The following ZC3H14 variants were observed in gnomAD, a reference collection of about 807,000 sequenced individuals.
The protein encoded by ZC3H14 is zinc finger CCCH-type containing 14.
Under a neutral mutation model 92.4 loss-of-function variants are expected in ZC3H14, and 31 were observed. The ratio of observed to expected loss-of-function variants is 0.34; its 90% confidence interval spans 0.25 to 0.45. The LOEUF is 0.45. ZC3H14 is among the 20% of genes least tolerant of loss of function. The pLI is 1.00. For missense variants in ZC3H14, 781 were observed against 897.3 expected (o/e 0.87, Z 1.66); for synonymous variants, 321 against 300.9 (o/e 1.07, Z -0.69).
rs201459924 is a variant in ZC3H14 at position 88,575,837 on chromosome 14, T to C, written c.1023-3T>C. ...ATAAAAATACCTTTCTTAACTCTTT[T>C]AGACCTTCTCTTCCACCTTCTAAAC... On this transcript the variant is annotated splice_region_variant and splice_polypyrimidine_tract_variant and intron_variant, in intron 7 of 16. Transcript: ENST00000251038. 9.9e-6 allele frequency: 16 copies of C among 1,611,224 alleles called. No individual in the cohort carries two copies. Among genetic ancestry groups the C allele is most frequent in the African/African-American group, 1.3e-5 (1 of 74,862 alleles).
chr14:88,618,091 A>C lies in ZC3H14; in HGVS notation c.*6340A>C. 6.8e-6 allele frequency: 4 copies of C among 591,398 alleles called. No homozygotes were observed. Among genetic ancestry groups the C allele is most frequent in the Non-Finnish European group, 1.2e-5 (4 of 342,594 alleles). 36.6% of individuals were successfully genotyped at this position (591,398 alleles called of 1,614,324 possible). A position where few individuals can be genotyped will look rare whatever the true frequency, so the allele number is the denominator to read the frequency against. On this transcript the variant is annotated 3_prime_UTR_variant, in exon 17 of 17. Transcript: ENST00000251038. ...TAAAAAGGGGTCCCAACATGAACATACCATTTCAAAATATGGTAACAAAAA... is the reference window on the plus strand; with the variant it reads ...TAAAAAGGGGTCCCAACATGAACATCCCATTTCAAAATATGGTAACAAAAA...
chr14:88,571,238 A>C, intron 4 of ZC3H14, 114 bp downstream of exon 4: 1 of 898,578 alleles, frequency 1.1e-6, no homozygotes, highest in Non-Finnish European at 1.7e-6. Context: ...GGTTCATTTG[A>C]ACTTTTTTAG....
rs1031028615 is a variant in ZC3H14, at chr14:88,623,612, C to A, written c.*11861C>A. 1 of 151,992 alleles carries A rather than the reference C, an allele frequency of 6.6e-6. No individual in the cohort carries two copies. Among genetic ancestry groups the A allele is most frequent in the African/African-American group, 2.4e-5 (1 of 41,342 alleles). The allele number at this position is 151,992 out of a possible 1,614,324, so 9.4% of individuals were successfully genotyped here. On this transcript the variant is annotated 3_prime_UTR_variant, in exon 17 of 17. Transcript: ENST00000251038. ...TATTTTTAGTAGAGATGGAGTTTCACCATATTGGCCAGGCTGATCCCAAAC... is the reference window on the plus strand; with the variant it reads ...TATTTTTAGTAGAGATGGAGTTTCAACATATTGGCCAGGCTGATCCCAAAC...
rs2087408838 is a variant in ZC3H14, at chr14:88,615,224, GAA to G, written c.*3476_*3477del. The stretch of plus-strand genomic sequence containing the variant: ...GTTCCTGAATTCAAAACTACTAGGA[GAA>G]AAGTGTCCTTTATAAAAAAGGACCT... On this transcript the variant is annotated 3_prime_UTR_variant, in exon 17 of 17. Coordinates refer to ENST00000251038, the MANE Select transcript of ZC3H14 (RefSeq NM_024824.5). 6.6e-6 allele frequency: 1 copy of G among 152,132 alleles called. No individual in the cohort carries two copies. The highest frequency in any genetic ancestry group is 2.4e-5 in the African/African-American group (1 of 41,428). 9.4% of individuals were successfully genotyped at this position (152,132 alleles called of 1,614,324 possible). A position where few individuals can be genotyped will look rare whatever the true frequency, so the allele number is the denominator to read the frequency against.
rs1019290686 is a variant in ZC3H14 at position 88,618,142 on chromosome 14, T to C, written c.*6391T>C. The C allele has an allele frequency of 3.7e-6, 4 of 1,092,862 alleles. No homozygotes were observed. Among genetic ancestry groups the C allele is most frequent in the East Asian group, 2.5e-5 (1 of 40,734 alleles). The allele number at this position is 1,092,862 out of a possible 1,614,324, so 67.7% of individuals were successfully genotyped here. Reference sequence around the variant, plus strand: ...CTTGAAACTCAATTACTATTCCTTATTGGAATGGCTCTAACAGTTCAGAAA... The same window carrying C: ...CTTGAAACTCAATTACTATTCCTTACTGGAATGGCTCTAACAGTTCAGAAA... On this transcript the variant is annotated 3_prime_UTR_variant, in exon 17 of 17. Coordinates refer to ENST00000251038, the MANE Select transcript of ZC3H14 (RefSeq NM_024824.5).
chr14:88,616,486 C>G lies in ZC3H14; in HGVS notation c.*4735C>G. Reference sequence around the variant, plus strand: ...AGGAAAAGCATTTGAAATTTGATAACTGATTATAGGTTTGGTGAAAAGCTA... The same window carrying G: ...AGGAAAAGCATTTGAAATTTGATAAGTGATTATAGGTTTGGTGAAAAGCTA... On this transcript the variant is annotated 3_prime_UTR_variant, in exon 17 of 17. Coordinates refer to ENST00000251038, the MANE Select transcript of ZC3H14 (RefSeq NM_024824.5). 1 of 604,298 alleles carries G rather than the reference C, an allele frequency of 1.7e-6. No individual in the cohort carries two copies. Among genetic ancestry groups the G allele is most frequent in the Non-Finnish European group, 2.9e-6 (1 of 350,070 alleles). 37.4% of individuals were successfully genotyped at this position (604,298 alleles called of 1,614,324 possible).
In ZC3H14 at chr14:88,607,096, T is replaced by C; in HGVS notation, c.1748-147T>C. On this transcript the variant is annotated intron_variant, in intron 12 of 16. Transcript: ENST00000251038. ...TTTTATAGGATTCTATGGCCAGTGTTAATCCCATAATTTGAGCTCACTTAT... is the reference window on the plus strand; with the variant it reads ...TTTTATAGGATTCTATGGCCAGTGTCAATCCCATAATTTGAGCTCACTTAT... 8.0e-6 allele frequency: 10 copies of C among 1,243,530 alleles called. No homozygotes were observed. The South Asian group carries it at 1.3e-4, about 16-fold the overall frequency. The allele number at this position is 1,243,530 out of a possible 1,614,324, so 77.0% of individuals were successfully genotyped here.
chr14:88,569,160 C>G (rs2139530144), intron 3 of ZC3H14, among the ~76,000 whole-genome samples: 1 of 152,282 alleles, frequency 6.6e-6, no homozygotes, highest in Non-Finnish European at 1.5e-5. Context: ...AGCCACTGCA[C>G]CTGGCCAGCT....
At chr14:88,600,657 G>A (rs1224955238) in intron 10 of ZC3H14, among the ~76,000 whole-genome samples, 2 of 151,950 alleles carry the variant, frequency 1.3e-5, no homozygotes, top group Admixed American at 6.6e-5. Flanking sequence ...TCACTATGTT[G>A]CCTAGGCCGG....
At chr14:88,584,550 A>G (rs1431586292) in intron 9 of ZC3H14, among the ~76,000 whole-genome samples, 1 of 152,204 alleles carries the variant, frequency 6.6e-6, no homozygotes, top group Non-Finnish European at 1.5e-5. Context: ...GCTACATAAG[A>G]TTTACTATAG....
intron 2 of ZC3H14, among the ~76,000 whole-genome samples, chr14:88,564,304 G>C (rs921769677): frequency 6.6e-6 from 1 of 152,076 alleles, no homozygotes; most frequent in Non-Finnish European, 1.5e-5. Flanking sequence ...TTTATAATTT[G>C]AGTGTTTACT....
chr14:88,584,998 C>T (rs960868216), intron 9 of ZC3H14, among the ~76,000 whole-genome samples: 2 of 152,092 alleles, frequency 1.3e-5, no homozygotes, highest in African/African-American at 2.4e-5. Context: ...ACTGCAGCTA[C>T]GTTGGCAACA....
At chr14:88,596,062 A>G (rs1440449433) in intron 9 of ZC3H14, among the ~76,000 whole-genome samples, 1 of 152,232 alleles carries the variant, frequency 6.6e-6, no homozygotes, top group African/African-American at 2.4e-5. Flanking sequence ...ACTGCTGGGC[A>G]TATTATTGTT....
intron 2 of ZC3H14, among the ~76,000 whole-genome samples, chr14:88,565,663 G>A (rs2079474725): frequency 6.6e-6 from 1 of 152,002 alleles, no homozygotes; most frequent in South Asian, 2.1e-4. Flanking sequence ...GACATTCCAC[G>A]TTGCTTTAAC....
rs2079152636 is a variant in ZC3H14, at chr14:88,563,527, C to T, written c.37-124C>T. The T allele has an allele frequency of 3.8e-6, 6 of 1,577,394 alleles. No homozygotes were observed. In the South Asian group the frequency reaches 4.5e-5, roughly 12 times the overall value. On this transcript the variant is annotated intron_variant, in intron 1 of 16. Transcript: ENST00000251038. ...GGGGGGCGGTGCAGGCGAGGCTCCT[C>T]CCAGCCCCCGCCCGGGGGATCCGAG...
chr14:88,594,346 A>G, intron 9 of ZC3H14: 18 of 996,860 alleles, frequency 1.8e-5, no homozygotes, highest in Non-Finnish European at 2.2e-5. Flanking sequence ...TTTGTGTGAC[A>G]CATGTCTGTT....
In ZC3H14 at chr14:88,572,212, A is replaced by G; in HGVS notation, c.418A>G (p.Thr140Ala). ...RVSTSSQESKTTNVRQTYDDG... is the reference protein window; with the variant it reads ...RVSTSSQESKATNVRQTYDDG... ...TTCTACAAGTTCGCAGGAGTCAAAAACCACAAATGTCAGGTAAGAGTCTGG... is the reference window on the plus strand; with the variant it reads ...TTCTACAAGTTCGCAGGAGTCAAAAGCCACAAATGTCAGGTAAGAGTCTGG... The change falls in exon 5 of 17, where the codon ACC becomes GCC. Residue 140 changes from threonine to alanine, a missense_variant. By Grantham distance (58) the Thr-to-Ala change is moderately conservative (BLOSUM62 0). This residue lies in a region of ZC3H14 where 454 missense variants were observed against 438.5 expected (regional missense o/e 1.04). Transcript: ENST00000251038. 3.1e-6 allele frequency: 5 copies of G among 1,614,108 alleles called. No individual in the cohort carries two copies. Among genetic ancestry groups the G allele is most frequent in the South Asian group, 1.1e-5 (1 of 91,082 alleles).
chr14:88,623,163 G>GCAC lies in ZC3H14; in HGVS notation c.*11419_*11421dup, dbSNP rs2089348226. On this transcript the variant is annotated 3_prime_UTR_variant, in exon 17 of 17. Transcript: ENST00000251038. Reference sequence around the variant, plus strand: ...CCCGAGTAGCTAGCATTACAGGTGTGCACCACCACACCCAGCTAATTTCTG... The same window carrying GCAC: ...CCCGAGTAGCTAGCATTACAGGTGTGCACCACCACCACACCCAGCTAATTTCTG... 1 of 150,828 alleles carries GCAC rather than the reference G, an allele frequency of 6.6e-6. No individual in the cohort carries two copies. The highest frequency in any genetic ancestry group is 1.5e-5 in the Non-Finnish European group (1 of 68,036). 9.3% of individuals were successfully genotyped at this position (150,828 alleles called of 1,614,324 possible). A position where few individuals can be genotyped will look rare whatever the true frequency, so the allele number is the denominator to read the frequency against.
Position 88,618,245 on chromosome 14 carries a change from A to G in ZC3H14, c.*6494A>G. 6.2e-7 allele frequency: 1 copy of G among 1,613,746 alleles called. No homozygotes were observed. The highest frequency in any genetic ancestry group is 1.3e-5 in the African/African-American group (1 of 75,048). ...GTATTTACCTAGTCCATGTAGCCCAAGTAATTCTGTCAATAGCGGCATGAT... is the reference window on the plus strand; with the variant it reads ...GTATTTACCTAGTCCATGTAGCCCAGGTAATTCTGTCAATAGCGGCATGAT... On this transcript the variant is annotated 3_prime_UTR_variant, in exon 17 of 17. Transcript: ENST00000251038.
Sources: gnomAD v4.1 joint callset for allele counts (sites outside exome capture counted in the v4.1 genomes callset) on GRCh38, gnomAD v4.1.1 for gene constraint, gnomAD v4.1.1 regional missense constraint, MANE v1.5 for transcripts, NCBI Gene and HGNC (gene_info 2026-07-23, HGNC 2026-07-21) for gene names.